Variants in ABCC4 observed in about 807,000 individuals in gnomAD.
The protein encoded by ABCC4 is ATP binding cassette subfamily C member 4 (PEL blood group).
In ABCC4, 102 loss-of-function variants were observed where a neutral mutation model predicts 168.5. The observed-to-expected ratio is 0.61, with a 90% CI of 0.52 to 0.71. ABCC4 has a LOEUF of 0.71. Ranked by LOEUF, ABCC4 falls within the 30% of genes least tolerant of loss-of-function variation. ABCC4 has a pLI of 0.00. For synonymous variants in ABCC4, 617 were observed against 590.7 expected, an observed-to-expected ratio of 1.04 and a Z score of -0.65; for missense variants, 1,402 against 1,605.8, an observed-to-expected ratio of 0.87 and a Z score of 2.17.
chr13:95,171,840 T>C (rs1289767370), intron 13 of ABCC4, among the ~76,000 whole-genome samples: 1 of 152,234 alleles, frequency 6.6e-6, no homozygotes, highest in Non-Finnish European at 1.5e-5. Flanking sequence ...CATATCTTAG[T>C]TTGGCTTATT....
In ABCC4 at chr13:95,021,216, A is replaced by G. The variant is rs972164492; in HGVS notation, c.*359T>C. 1 of 176,754 alleles carries G rather than the reference A, an allele frequency of 5.7e-6. No homozygotes were observed. Among genetic ancestry groups the G allele is most frequent in the African/African-American group, 2.4e-5 (1 of 42,496 alleles). The allele number at this position is 176,754 out of a possible 1,614,324, so 10.9% of individuals were successfully genotyped here. ...ATCCCTGATATAAATGGAAATTAAC[A>G]TGTAATTTTGGGGGCAATAAAAACA... On this transcript the variant is annotated 3_prime_UTR_variant, in exon 31 of 31. Transcript: ENST00000645237.
chr13:95,207,541 T>C (rs1320163576), intron 7 of ABCC4, among the ~76,000 whole-genome samples: 1 of 152,222 alleles, frequency 6.6e-6, no homozygotes, highest in Non-Finnish European at 1.5e-5. Context: ...GGATTTGGGA[T>C]ATTCAGAAAC....
At chr13:95,125,205 G>A (rs146817333) in intron 19 of ABCC4, among the ~76,000 whole-genome samples, 51 of 152,296 alleles carry the variant, frequency 3.3e-4, no homozygotes, top group African/African-American at 1.2e-3. Context: ...GTGTGCTCAT[G>A]TCAACACCTC....
intron 25 of ABCC4, among the ~76,000 whole-genome samples, chr13:95,066,445 C>T (rs941279797): frequency 6.6e-6 from 1 of 152,130 alleles, no homozygotes; most frequent in African/African-American, 2.4e-5. Context: ...TTGGAATTAG[C>T]TTTGTATTAT....
chr13:95,292,779 C>T (rs1421640151), intron 1 of ABCC4, among the ~76,000 whole-genome samples: 1 of 152,048 alleles, frequency 6.6e-6, no homozygotes, highest in African/African-American at 2.4e-5. Context: ...TAGGAGCTAG[C>T]GCAGAGAAAA....
At chr13:95,140,464 A>C (rs1469569716) in intron 19 of ABCC4, among the ~76,000 whole-genome samples, 2 of 152,240 alleles carry the variant, frequency 1.3e-5, no homozygotes, top group Admixed American at 1.3e-4. Flanking sequence ...ATCAATATGG[A>C]TATCTTTACA....
At chr13:95,168,956 T>C (rs1312080424) in intron 14 of ABCC4, among the ~76,000 whole-genome samples, 3 of 151,878 alleles carry the variant, frequency 2.0e-5, no homozygotes, top group Admixed American at 1.3e-4. Flanking sequence ...CATACTGGAG[T>C]AGGGTGGGCC....
intron 1 of ABCC4, among the ~76,000 whole-genome samples, chr13:95,253,205 A>T (rs752000096): frequency 2.6e-5 from 4 of 152,218 alleles, no homozygotes; most frequent in Non-Finnish European, 5.9e-5. Flanking sequence ...TGAAGAAATG[A>T]TGCTGAGTTT....
chr13:95,086,015 A>C (rs926297691), intron 20 of ABCC4, among the ~76,000 whole-genome samples: 41 of 151,562 alleles, frequency 2.7e-4, no homozygotes, highest in African/African-American at 9.5e-4. Flanking sequence ...CATATTTTTA[A>C]AGCATTTAAT....
intron 4 of ABCC4, among the ~76,000 whole-genome samples, chr13:95,222,282 C>T (rs556244189): frequency 2.8e-4 from 43 of 152,314 alleles, no homozygotes; most frequent in East Asian, 2.5e-3. Context: ...CATACCATAA[C>T]GGCCCACTCC....
At chr13:95,190,781 G>A (rs562099284) in intron 9 of ABCC4, among the ~76,000 whole-genome samples, 1 of 152,290 alleles carries the variant, frequency 6.6e-6, no homozygotes, top group South Asian at 2.1e-4. Flanking sequence ...TATAATCTTC[G>A]TCTGAATTTC....
intron 26 of ABCC4, among the ~76,000 whole-genome samples, chr13:95,056,378 A>T (rs1594020298): frequency 6.6e-6 from 1 of 152,160 alleles, no homozygotes; most frequent in South Asian, 2.1e-4. Context: ...TTTTAAAAAA[A>T]CCCTGTAGCC....
At chr13:95,248,605 T>C (rs1411963078) in intron 1 of ABCC4, among the ~76,000 whole-genome samples, 2 of 152,112 alleles carry the variant, frequency 1.3e-5, no homozygotes, top group Admixed American at 6.5e-5. Flanking sequence ...TCATTAATCA[T>C]TAAATGATAA....
chr13:95,047,782 C>T (rs960855683), intron 27 of ABCC4, among the ~76,000 whole-genome samples: 14 of 152,156 alleles, frequency 9.2e-5, no homozygotes, highest in East Asian at 3.8e-4. Flanking sequence ...TACGCCCAGC[C>T]GCCTATTTTT....
At chr13:95,286,989 T>G (rs1339590119) in intron 1 of ABCC4, among the ~76,000 whole-genome samples, 2 of 137,812 alleles carry the variant, frequency 1.5e-5, no homozygotes, top group African/African-American at 2.7e-5. Flanking sequence ...AAAAGAAAAA[T>G]AAGTGTATAG....
intron 1 of ABCC4, among the ~76,000 whole-genome samples, chr13:95,265,182 CA>C (rs1214299874): frequency 5.9e-5 from 9 of 152,008 alleles, no homozygotes; most frequent in Non-Finnish European, 1.3e-4. Context: ...AATCCACTTT[CA>C]AGTAGTTCAG....
chr13:95,157,482 A>G (rs2036909179), intron 19 of ABCC4, among the ~76,000 whole-genome samples: 1 of 147,294 alleles, frequency 6.8e-6, no homozygotes, highest in African/African-American at 2.6e-5. Context: ...GCAACAGAGC[A>G]GGAAGAAAGG....
intron 20 of ABCC4, among the ~76,000 whole-genome samples, chr13:95,108,284 G>A (rs1488126414): frequency 1.3e-5 from 2 of 152,090 alleles, no homozygotes; most frequent in Admixed American, 6.5e-5. Context: ...ACTTTCTATA[G>A]GGAGATGGGT....
chr13:95,275,209 A>C (rs184462431), intron 1 of ABCC4, among the ~76,000 whole-genome samples: 4 of 152,360 alleles, frequency 2.6e-5, no homozygotes, highest in African/African-American at 9.6e-5. Flanking sequence ...AATGGTATGA[A>C]GTTTGGAGAG....
Sources: allele counts gnomAD v4.1 joint callset (sites outside exome capture counted in the v4.1 genomes callset), GRCh38; gene constraint gnomAD v4.1.1; transcripts MANE v1.5; gene names NCBI Gene and HGNC (gene_info 2026-07-23, HGNC 2026-07-21).